The following CPED1 variants were observed in gnomAD, a reference collection of about 807,000 sequenced individuals.
The protein encoded by CPED1 is cadherin-like and PC-esterase domain-containing protein 1.
In CPED1, 114 loss-of-function variants were observed where a neutral mutation model predicts 128.2. The ratio of observed to expected loss-of-function variants is 0.89; its 90% CI spans 0.76 to 1.04. The LOEUF (loss-of-function observed/expected upper bound fraction) is 1.04. Ranked by LOEUF, CPED1 falls within the 50% of genes least tolerant of loss-of-function variation. The pLI is 0.00. For synonymous variants in CPED1, 462 were observed against 426.7 expected, an observed-to-expected ratio of 1.08 and a Z score of -1.02; for missense variants, 1,211 against 1,207.1, an observed-to-expected ratio of 1.00 and a Z score of -0.05.
intron 5 of CPED1, among the ~76,000 whole-genome samples, chr7:121,069,122 A>G (rs556185822): frequency 1.3e-5 from 2 of 152,220 alleles, no homozygotes; most frequent in East Asian, 3.9e-4. Flanking sequence ...AATATCTTTG[A>G]AAAGCTAGTT....
At chr7:121,041,287 G>T (rs374647480) in intron 3 of CPED1, among the ~76,000 whole-genome samples, 155 of 152,026 alleles carry the variant, frequency 1.0e-3, no homozygotes, top group African/African-American at 3.6e-3. Flanking sequence ...ACTATTGTAG[G>T]TACTGAGAAT....
intron 2 of CPED1, among the ~76,000 whole-genome samples, chr7:121,001,081 T>A (rs1015098198): frequency 2.0e-5 from 3 of 152,184 alleles, no homozygotes; most frequent in African/African-American, 4.8e-5. Context: ...AATGCATATG[T>A]AGCATGTATT....
chr7:121,269,179 A>T (rs533766503), intron 21 of CPED1, among the ~76,000 whole-genome samples: 2 of 152,036 alleles, frequency 1.3e-5, no homozygotes, highest in Admixed American at 6.6e-5. Flanking sequence ...CGCTTCTTGT[A>T]GACCCCAGTG....
chr7:121,015,357 C>T lies in CPED1; in HGVS notation c.250-308C>T, dbSNP rs190176224. On this transcript the variant is annotated intron_variant, in intron 2 of 22. Coordinates refer to ENST00000310396, the MANE Select transcript of CPED1 (RefSeq NM_024913.5). ...AGCACAGTGCAGATTAAAGGCATTG[C>T]TATTAATTTGTATTTTCAGCTAGAG... Among the ~76,000 whole-genome samples the T allele has an allele frequency of 1.1e-3, 172 of 152,296 alleles. 1 individual carries two copies. Among genetic ancestry groups the T allele is most frequent in the African/African-American group, 3.9e-3 (164 of 41,580 alleles).
At chr7:121,282,416 C>A (rs1273884409) in intron 22 of CPED1, among the ~76,000 whole-genome samples, 2 of 152,098 alleles carry the variant, frequency 1.3e-5, no homozygotes, top group Non-Finnish European at 2.9e-5. Context: ...TTGGAAAGGA[C>A]CCAAATGGGC....
At chr7:121,124,838 T>G (rs1456896267) in intron 8 of CPED1, among the ~76,000 whole-genome samples, 1 of 152,206 alleles carries the variant, frequency 6.6e-6, no homozygotes, top group African/African-American at 2.4e-5. Context: ...AATATCCCAC[T>G]GATTTCATAA....
intron 22 of CPED1, among the ~76,000 whole-genome samples, chr7:121,289,671 T>C (rs1249100903): frequency 6.6e-6 from 1 of 152,180 alleles, no homozygotes; most frequent in East Asian, 1.9e-4. Flanking sequence ...CTCAAAACAA[T>C]TTTTAAAAAA....
intron 4 of CPED1, among the ~76,000 whole-genome samples, chr7:121,048,398 G>A (rs988168133): frequency 6.6e-6 from 1 of 152,160 alleles, no homozygotes; most frequent in African/African-American, 2.4e-5. Flanking sequence ...TCCCAAGATA[G>A]AAATTACCCA....
intron 16 of CPED1, among the ~76,000 whole-genome samples, chr7:121,196,646 A>T (rs559265613): frequency 6.6e-6 from 1 of 152,280 alleles, no homozygotes; most frequent in East Asian, 1.9e-4. Flanking sequence ...GGACATACTT[A>T]TAAGACAGCA....
chr7:121,155,381 A>G (rs1277804322), intron 16 of CPED1, among the ~76,000 whole-genome samples: 1 of 152,192 alleles, frequency 6.6e-6, no homozygotes, highest in Non-Finnish European at 1.5e-5. Context: ...TGTGGAACCA[A>G]AAAAGATCCT....
rs777715403 is a variant in CPED1 at position 121,046,932 on chromosome 7, A to T, written c.479A>T (p.Lys160Ile). The change falls in exon 4 of 23, where the codon AAA becomes ATA. Residue 160 changes from lysine to isoleucine, a missense_variant. Physicochemically the swap from Lys to Ile is moderately radical, Grantham distance 102. Transcript: ENST00000310396. Reference sequence around the variant, plus strand: ...CTGCTCATTTGCCTGTCTTCTAAGAAAGCAGAAGGAACACCCTGTATATCC... The same window carrying T: ...CTGCTCATTTGCCTGTCTTCTAAGATAGCAGAAGGAACACCCTGTATATCC... ...WDLLICLSSK[K>I]AEGTPCISKE... is the part of the protein sequence containing the mutation. 5.6e-6 allele frequency: 9 copies of T among 1,612,742 alleles called. No individual in the cohort carries two copies. Among genetic ancestry groups the T allele is most frequent in the East Asian group, 2.2e-5 (1 of 44,784 alleles).
chr7:121,015,922 T>C, intron 3 of CPED1, 74 bp downstream of exon 3: 1 of 1,091,996 alleles, frequency 9.2e-7, no homozygotes, highest in Non-Finnish European at 1.2e-6. Context: ...TGTGCTACTA[T>C]CTCCCTCTAA....
In CPED1 at chr7:120,989,857, A is replaced by G; in HGVS notation, c.236A>G (p.Gln79Arg). ...TGCTTCCTTCTCTCTGGTAATGCCC[A>G]GGAAACCAGAAAGGTAAGACTCTCA... The part of the protein sequence containing the change: ...KQCFLLSGNA[Q>R]ETRKVKESME... The change falls in exon 2 of 23, where the codon CAG becomes CGG. Residue 79 changes from glutamine (Q) to arginine (R), a missense_variant. Coordinates refer to ENST00000310396, the MANE Select transcript of CPED1 (RefSeq NM_024913.5). 1 of 1,614,156 alleles carries G rather than the reference A, an allele frequency of 6.2e-7. No individual in the cohort carries two copies.
At chr7:121,125,034 T>C (rs1795472265) in intron 8 of CPED1, among the ~76,000 whole-genome samples, 2 of 152,178 alleles carry the variant, frequency 1.3e-5, no homozygotes, top group South Asian at 4.1e-4. Flanking sequence ...ACCTAGCATG[T>C]AGGAGTAGGA....
intron 18 of CPED1, among the ~76,000 whole-genome samples, chr7:121,250,824 T>G (rs1798654069): frequency 6.8e-6 from 1 of 146,650 alleles, no homozygotes; most frequent in Admixed American, 6.8e-5. Flanking sequence ...AGGCAATAAT[T>G]AATAGCTTAC....
chr7:121,114,448 CAA>C (rs1795187703), intron 7 of CPED1, among the ~76,000 whole-genome samples: 1 of 152,076 alleles, frequency 6.6e-6, no homozygotes, highest in African/African-American at 2.4e-5. Flanking sequence ...ACTGTAAGTG[CAA>C]AAAGAGACAG....
intron 16 of CPED1, among the ~76,000 whole-genome samples, chr7:121,219,647 G>A (rs1248209752): frequency 6.6e-6 from 1 of 151,882 alleles, no homozygotes; most frequent in African/African-American, 2.4e-5. Flanking sequence ...ATATGTTTAG[G>A]GAAGAAACAC....
chr7:121,205,714 A>C lies in CPED1; in HGVS notation c.2056-31000A>C, dbSNP rs181723297. 1.2e-4 allele frequency among the ~76,000 whole-genome samples: 18 copies of C among 152,096 alleles called. No homozygotes were observed. The East Asian group carries it at 1.9e-3, about 16-fold the overall frequency. ...CTCAGCTCTAGGATTACAAGGTTTGAGCTAACATTTTTCTCCCTTTGAAAA... is the reference window on the plus strand; with the variant it reads ...CTCAGCTCTAGGATTACAAGGTTTGCGCTAACATTTTTCTCCCTTTGAAAA... On this transcript the variant is annotated intron_variant, in intron 16 of 22. Coordinates refer to ENST00000310396, the MANE Select transcript of CPED1 (RefSeq NM_024913.5).
At chr7:121,042,251 A>G (rs1585035096) in intron 3 of CPED1, among the ~76,000 whole-genome samples, 2 of 152,204 alleles carry the variant, frequency 1.3e-5, no homozygotes, top group African/African-American at 4.8e-5. Context: ...ATATAGGAAG[A>G]TTTAACTTTG....
Sources: gnomAD v4.1 joint callset for allele counts (sites outside exome capture counted in the v4.1 genomes callset) on GRCh38, gnomAD v4.1.1 for gene constraint, MANE v1.5 for transcripts, NCBI Gene and HGNC (gene_info 2026-07-23, HGNC 2026-07-21) for gene names.